C9: variants seen among roughly 807,000 people sequenced by gnomAD.
C9 encodes the protein complement C9.
A neutral mutation model predicts 65.4 loss-of-function variants in C9; 63 were observed. The ratio of observed to expected loss-of-function variants is 0.96; its 90% CI spans 0.79 to 1.19. The LOEUF is 1.19. Ranked by LOEUF, C9 falls within the 50% of genes most tolerant of loss-of-function variation. The pLI is 0.00. For synonymous variants in C9, 229 were observed against 227.9 expected, an observed-to-expected ratio of 1.00 and a Z score of -0.04; for missense variants, 744 against 670.1, an observed-to-expected ratio of 1.11 and a Z score of -1.22.
At chr5:39,339,092 C>T (rs1754020159) in intron 4 of C9, among the ~76,000 whole-genome samples, 1 of 152,140 alleles carries the variant, frequency 6.6e-6, no homozygotes, top group South Asian at 2.1e-4. Context: ...CACAATCTTT[C>T]CCTGAGGAAA....
chr5:39,292,551 T>A (rs552842058), intron 9 of C9, among the ~76,000 whole-genome samples: 10 of 152,042 alleles, frequency 6.6e-5, no homozygotes, highest in Admixed American at 6.6e-4. Context: ...AAAGTAATCA[T>A]GAGCTCTGAG....
At chr5:39,354,015 G>T (rs1003335792) in intron 1 of C9, among the ~76,000 whole-genome samples, 3 of 152,192 alleles carry the variant, frequency 2.0e-5, no homozygotes, top group African/African-American at 7.2e-5. Flanking sequence ...CAGGCTTCCT[G>T]GCTGGAGGTG....
chr5:39,348,642 A>G (rs1468331108), intron 1 of C9, among the ~76,000 whole-genome samples: 1 of 152,128 alleles, frequency 6.6e-6, no homozygotes, highest in African/African-American at 2.4e-5. Flanking sequence ...AACTAGAAAT[A>G]CCATTTGACC....
At chr5:39,333,811 G>A (rs1470445074) in intron 4 of C9, among the ~76,000 whole-genome samples, 2 of 152,080 alleles carry the variant, frequency 1.3e-5, no homozygotes, top group African/African-American at 4.8e-5. Flanking sequence ...ACGGGGTTTC[G>A]CTGTGTTGGC....
chr5:39,325,127 T>C (rs1388276028), intron 5 of C9, among the ~76,000 whole-genome samples: 2 of 152,188 alleles, frequency 1.3e-5, no homozygotes, highest in Non-Finnish European at 2.9e-5. Context: ...CATTAAAATT[T>C]TATTTGTACA....
In C9 at chr5:39,306,757, C is replaced by A. The variant is rs776195213; in HGVS notation, c.1276G>T (p.Val426Phe). The A allele has an allele frequency of 3.1e-6, 5 of 1,612,392 alleles. No homozygotes were observed. Among genetic ancestry groups the A allele is most frequent in the East Asian group, 2.2e-5 (1 of 44,836 alleles). ...ITSENLIDDV[V>F]SLIRGGTRKY... ...CTGGTTCCACCTCTTATGAGTGAAACAACATCATCTATGAGGTTTTCACTG... is the reference window on the plus strand; with the variant it reads ...CTGGTTCCACCTCTTATGAGTGAAAAAACATCATCTATGAGGTTTTCACTG... The change falls in exon 9 of 11, where the codon GTT becomes TTT. Residue 426 changes from valine (V) to phenylalanine (F), a missense_variant. Val to Phe is a conservative substitution (Grantham distance 50). Coordinates refer to ENST00000263408, the MANE Select transcript of C9 (RefSeq NM_001737.5).
chr5:39,336,907 A>T (rs1418020369), intron 4 of C9, among the ~76,000 whole-genome samples: 1 of 152,088 alleles, frequency 6.6e-6, no homozygotes, highest in East Asian at 1.9e-4. Flanking sequence ...TTCAGTGTTG[A>T]TAAAAAGAAT....
chr5:39,325,771 C>CAAAAAAAAA (rs34079563), intron 5 of C9, among the ~76,000 whole-genome samples: 1 of 92,456 alleles, frequency 1.1e-5, no homozygotes. Flanking sequence ...GACTCCATCT[C>CAAAAAAAAA]AAAAAAAAAA....
chr5:39,322,253 A>C (rs1416869783), intron 5 of C9, among the ~76,000 whole-genome samples: 1 of 152,058 alleles, frequency 6.6e-6, no homozygotes, highest in East Asian at 1.9e-4. Flanking sequence ...ACAATAAATA[A>C]GTCAATGAAG....
intron 5 of C9, among the ~76,000 whole-genome samples, chr5:39,330,016 G>C (rs1272613839): frequency 6.6e-6 from 1 of 152,170 alleles, no homozygotes; most frequent in Non-Finnish European, 1.5e-5. Context: ...GGAGGCCTTA[G>C]CCAACCCCTA....
At chr5:39,359,663 C>A (rs1371986673) in intron 1 of C9, among the ~76,000 whole-genome samples, 2 of 152,062 alleles carry the variant, frequency 1.3e-5, no homozygotes, top group African/African-American at 2.4e-5. Context: ...GAGCAAAGTG[C>A]TCGATTAGGC....
rs371134723 is a variant in C9, at chr5:39,311,317, G to C, written c.931C>G (p.Arg311Gly). Residue 311 changes from arginine to glycine, a missense_variant, in exon 7 of 11, where the codon CGC (arginine) becomes GGC (glycine). By Grantham distance (125) the Arg-to-Gly change is moderately radical. Transcript: ENST00000263408. The stretch of plus-strand genomic sequence containing the variant: ...AAAGTTGTTGTGAGCACAACATCGC[G>C]ATTTCTCATTACAAATCTTCCCAGA... ...IHLGRFVMRN[R>G]DVVLTTTFVD... 6.2e-7 allele frequency: 1 copy of C among 1,611,984 alleles called. No homozygotes were observed. The highest frequency in any genetic ancestry group is 8.5e-7 in the Non-Finnish European group (1 of 1,178,352).
At chr5:39,315,419 C>T (rs186507297) in intron 6 of C9, among the ~76,000 whole-genome samples, 3 of 152,258 alleles carry the variant, frequency 2.0e-5, no homozygotes, top group African/African-American at 7.2e-5. Flanking sequence ...AAACAGTGAT[C>T]ATTCTAGGTA....
chr5:39,356,503 C>A, intron 1 of C9, among the ~76,000 whole-genome samples: 1 of 152,228 alleles, frequency 6.6e-6, no homozygotes, highest in East Asian at 1.9e-4. Context: ...GTCAGTGGGA[C>A]AGCCTGACGC....
At position 39,306,727 on chromosome 5, in the gene C9, A is replaced by T; in HGVS notation, c.1306T>A (p.Tyr436Asn). 6.2e-7 allele frequency: 1 copy of T among 1,612,514 alleles called. No homozygotes were observed. The highest frequency in any genetic ancestry group is 8.5e-7 in the Non-Finnish European group (1 of 1,178,748). The change falls in exon 9 of 11, where the codon TAT becomes AAT. Residue 436 changes from tyrosine (Y) to asparagine (N), a missense_variant. Transcript: ENST00000263408. ...VSLIRGGTRK[Y>N]AFELKEKLLR... ...AGCTTTTCTTTCAGTTCAAATGCAT[A>T]TTTTCTGGTTCCACCTCTTATGAGT...
intron 6 of C9, among the ~76,000 whole-genome samples, chr5:39,312,962 A>G (rs1753511857): frequency 6.6e-6 from 1 of 152,094 alleles, no homozygotes; most frequent in Non-Finnish European, 1.5e-5. Context: ...GACTTGCACA[A>G]GAATTCTCAA....
At chr5:39,306,162 CAAAAAA>C (rs541310785) in intron 9 of C9, among the ~76,000 whole-genome samples, 2 of 102,008 alleles carry the variant, frequency 2.0e-5, no homozygotes, top group Non-Finnish European at 1.9e-5. Flanking sequence ...GACTCTGTCT[CAAAAAA>C]AAAAAAAAAA....
intron 4 of C9, among the ~76,000 whole-genome samples, chr5:39,335,995 C>T (rs10078364): frequency 0.022 from 3,379 of 152,044 alleles, 121 homozygotes; most frequent in African/African-American, 0.077. Context: ...ACATTTTTAG[C>T]GTGACATCTA....
Position 39,341,148 on chromosome 5 carries a change from A to G in C9, c.474T>C (p.Tyr158=), listed in dbSNP as rs780486762. 4 of 1,614,034 alleles carry G rather than the reference A, an allele frequency of 2.5e-6. No individual in the cohort carries two copies. Among genetic ancestry groups the G allele is most frequent in the African/African-American group, 2.7e-5 (2 of 74,910 alleles). ...AAAAGTACAAGTAAAATACACACCC[A>G]TAGCCTGCTGTTCGTGCCAGCTCAG... ...EESELARTAG[Y]GINILGMDPL... Residue 158 remains tyrosine, a splice_region_variant and synonymous_variant, in exon 4 of 11, where the codon TAT becomes TAC. Transcript: ENST00000263408.
Sources: gnomAD v4.1 joint callset for allele counts (sites outside exome capture counted in the v4.1 genomes callset) on GRCh38, gnomAD v4.1.1 for gene constraint, MANE v1.5 for transcripts, NCBI Gene and HGNC (gene_info 2026-07-23, HGNC 2026-07-21) for gene names.